Variants in CCDC88A observed in about 807,000 individuals in gnomAD.
CCDC88A encodes coiled-coil and HOOK domain protein 88A, also known as girdin.
CCDC88A carries 54 observed loss-of-function variants against 234.3 expected under a neutral mutation model. The observed-to-expected ratio is 0.23, with a 90% CI of 0.19 to 0.29. The LOEUF (loss-of-function observed/expected upper bound fraction) is 0.29. CCDC88A is among the 10% of genes least tolerant of loss of function. The pLI, the probability that CCDC88A is intolerant of heterozygous loss-of-function variation, is 1.00. For synonymous variants in CCDC88A, 753 were observed against 737.8 expected (o/e 1.02, Z -0.33); for missense variants, 1,832 against 2,123.4 (o/e 0.86, Z 2.70).
chr2:55,296,411 C>T lies in CCDC88A; in HGVS notation c.4938G>A (p.Leu1646=). 1 of 1,614,176 alleles carries T rather than the reference C, an allele frequency of 6.2e-7. No individual in the cohort carries two copies. The highest frequency in any genetic ancestry group is 1.1e-5 in the South Asian group (1 of 91,088). Residue 1646 remains leucine, a synonymous_variant, in exon 30 of 33, where the codon TTG becomes TTA. Coordinates refer to ENST00000436346, the MANE Select transcript of CCDC88A (RefSeq NM_001365480.1). ...CTGGGCTTGATCTGGTCTGTCTTTT[C>T]AAGTACTGGATTGGACTGCTACCAC... ...SSSGSSPIQY[L]KRQTRSSPVL... is the part of the protein sequence containing the mutation.
rs70954111 is a variant in CCDC88A, at chr2:55,384,590, C to CATATATACGTATGTATGTGTATATATAT, written c.273+4187_273+4188insATATATATACACATACATACGTATATAT. Reference sequence around the variant, plus strand: ...ATATACGTATATATGTGTATATATACACATATATACGTATATATGTGTATA... The same window carrying CATATATACGTATGTATGTGTATATATAT: ...ATATACGTATATATGTGTATATATACATATATACGTATGTATGTGTATATATATACATATATACGTATATATGTGTATA... On this transcript the variant is annotated intron_variant, in intron 3 of 32. Coordinates refer to ENST00000436346, the MANE Select transcript of CCDC88A (RefSeq NM_001365480.1). 1.5e-3 allele frequency among the ~76,000 whole-genome samples: 3 copies of CATATATACGTATGTATGTGTATATATAT among 1,950 alleles called. 1 individual carries two copies. Among genetic ancestry groups the CATATATACGTATGTATGTGTATATATAT allele is most frequent in the African/African-American group, 3.5e-3 (3 of 864 alleles). The allele number at this position is 1,950 out of a possible 152,430, so 1.3% of individuals were successfully genotyped here. A position where few individuals can be genotyped will look rare whatever the true frequency, so the allele number is the denominator to read the frequency against.
intron 2 of CCDC88A, among the ~76,000 whole-genome samples, chr2:55,400,301 G>A (rs958286057): frequency 6.6e-6 from 1 of 152,094 alleles, no homozygotes; most frequent in African/African-American, 2.4e-5. Flanking sequence ...CATGTCAAAC[G>A]TGAGCAAGTA....
At chr2:55,378,738 C>CTT (rs79242911) in intron 3 of CCDC88A, among the ~76,000 whole-genome samples, 103 of 142,910 alleles carry the variant, frequency 7.2e-4, no homozygotes, top group East Asian at 4.4e-3. Flanking sequence ...TACACATATA[C>CTT]TTTTTTTTTT....
chr2:55,385,838 G>A (rs1291488358), intron 3 of CCDC88A, among the ~76,000 whole-genome samples: 3 of 89,070 alleles, frequency 3.4e-5, no homozygotes, highest in African/African-American at 4.6e-5. Context: ...AGGTAACAGA[G>A]TGAAACTCCA....
intron 6 of CCDC88A, 77 bp downstream of exon 6, chr2:55,363,873 A>T: frequency 1.4e-6 from 1 of 706,482 alleles, no homozygotes; most frequent in Non-Finnish European, 2.4e-6. Context: ...TATGACTTTG[A>T]AGTATTTTAG....
chr2:55,295,647 G>A lies in CCDC88A; in HGVS notation c.5501C>T (p.Ser1834Leu). 6.2e-7 allele frequency: 1 copy of A among 1,614,208 alleles called. No individual in the cohort carries two copies. The highest frequency in any genetic ancestry group is 8.5e-7 in the Non-Finnish European group (1 of 1,180,034). Residue 1834 changes from serine to leucine, a missense_variant, in exon 31 of 33, where the codon TCA becomes TTA. This residue lies in a region of CCDC88A where 422 missense variants were observed against 416.5 expected (regional missense o/e 1.01). Coordinates refer to ENST00000436346, the MANE Select transcript of CCDC88A (RefSeq NM_001365480.1). ...FLTKDSRLPISVDSPPAAADS... is the reference protein window; with the variant it reads ...FLTKDSRLPILVDSPPAAADS... ...AGCAGCAGCTGGTGGTGAATCAACT[G>A]ATATAGGCAGTCTACTGTCCTTGGT...
intron 31 of CCDC88A, 41 bp from the exon 32 acceptor site, chr2:55,291,816 A>G: frequency 1.4e-6 from 2 of 1,476,008 alleles, no homozygotes; most frequent in Non-Finnish European, 1.9e-6. Flanking sequence ...GTCAAAGATG[A>G]AACAAAATAC....
At chr2:55,383,475 T>TA (rs997896678) in intron 3 of CCDC88A, among the ~76,000 whole-genome samples, 1 of 151,570 alleles carries the variant, frequency 6.6e-6, no homozygotes, top group African/African-American at 2.4e-5. Context: ...AAAAAAAAAT[T>TA]AGCCAGGTGT....
At position 55,318,806 on chromosome 2, in the gene CCDC88A, A is replaced by G. The variant is rs374969037; in HGVS notation, c.3324+37T>C. On this transcript the variant is annotated intron_variant, in intron 19 of 32. Coordinates refer to ENST00000436346, the MANE Select transcript of CCDC88A (RefSeq NM_001365480.1). ...CCTTATTTTAATAGCATAATTCAAG[A>G]GTTTGGTTGCATATTCCCAAAATAT... 557 of 1,482,346 alleles carry G rather than the reference A, an allele frequency of 3.8e-4. 1 individual carries two copies. The highest frequency in any genetic ancestry group is 5.3e-4 in the Middle Eastern group (3 of 5,680). The allele number at this position is 1,482,346 out of a possible 1,614,324, so 91.8% of individuals were successfully genotyped here.
chr2:55,418,533 A>C, intron 2 of CCDC88A: 2 of 385,946 alleles, frequency 5.2e-6, no homozygotes, highest in South Asian at 1.4e-4. Flanking sequence ...CAAATTATCA[A>C]AGAATACACA....
chr2:55,401,433 C>CAAAA (rs1418741634), intron 2 of CCDC88A, among the ~76,000 whole-genome samples: 35 of 30,126 alleles, frequency 1.2e-3, no homozygotes, highest in Non-Finnish European at 1.4e-3. Context: ...GACTCTGTCT[C>CAAAA]CAAAAAAAAA....
chr2:55,299,285 ATTTACT>A (rs778655913), intron 29 of CCDC88A, among the ~76,000 whole-genome samples: 3 of 152,206 alleles, frequency 2.0e-5, no homozygotes, highest in Non-Finnish European at 4.4e-5. Context: ...GTTTCCAGAC[ATTTACT>A]TAAATACCTC....
At chr2:55,393,289 G>GTTTTTTTTTTTTTTTTTT (rs558827055) in intron 2 of CCDC88A, among the ~76,000 whole-genome samples, 5 of 61,658 alleles carry the variant, frequency 8.1e-5, no homozygotes, top group Non-Finnish European at 1.3e-4. Context: ...GGTTTTTTGG[G>GTTTTTTTTTTTTTTTTTT]TTTTTTTTTT....
intron 2 of CCDC88A, among the ~76,000 whole-genome samples, chr2:55,415,840 G>A (rs1192125919): frequency 6.6e-6 from 1 of 152,112 alleles, no homozygotes; most frequent in African/African-American, 2.4e-5. Context: ...AAGTAGTACT[G>A]CCTAACAAAT....
chr2:55,311,751 A>G (rs191870952), intron 23 of CCDC88A, among the ~76,000 whole-genome samples: 6 of 152,248 alleles, frequency 3.9e-5, no homozygotes, highest in African/African-American at 1.2e-4. Flanking sequence ...TGGGCTGCAC[A>G]GGCCCAAATG....
rs1679318702 is a variant in CCDC88A at position 55,289,778 on chromosome 2, A to AGG, written c.*1421_*1422insCC. The AGG allele has an allele frequency of 3.3e-4, 1 of 3,070 alleles. No homozygotes were observed. Among genetic ancestry groups the AGG allele is most frequent in the African/African-American group, 3.7e-4 (1 of 2,704 alleles). 0.2% of individuals were successfully genotyped at this position (3,070 alleles called of 1,614,324 possible). A position where few individuals can be genotyped will look rare whatever the true frequency, so the allele number is the denominator to read the frequency against. On this transcript the variant is annotated 3_prime_UTR_variant, in exon 33 of 33. Transcript: ENST00000436346. Reference sequence around the variant, plus strand: ...GAGAGAGAAAGAGGGAGAGAGAAAGAGAGAGAGAGAGAGAGAGAGAGAGAG... The same window carrying AGG: ...GAGAGAGAAAGAGGGAGAGAGAAAGAGGGAGAGAGAGAGAGAGAGAGAGAGAG...
intron 13 of CCDC88A, among the ~76,000 whole-genome samples, chr2:55,338,436 T>C (rs1335555119): frequency 2.6e-5 from 4 of 152,218 alleles, no homozygotes; most frequent in Non-Finnish European, 5.9e-5. Context: ...TAATCATGCA[T>C]GTTTTTATGA....
At chr2:55,299,817 A>T in intron 29 of CCDC88A, 22 bp downstream of exon 29, 1 of 1,519,238 alleles carries the variant, frequency 6.6e-7, no homozygotes, top group South Asian at 1.1e-5. Context: ...AGAGCGCATT[A>T]ATAAATTTAC....
chr2:55,341,004 T>C (rs1248240470), intron 12 of CCDC88A, among the ~76,000 whole-genome samples: 1 of 152,146 alleles, frequency 6.6e-6, no homozygotes, highest in Non-Finnish European at 1.5e-5. Context: ...TATTCTCTGT[T>C]TCTATGAGTC....
Sources: gnomAD v4.1 joint callset for allele counts (sites outside exome capture counted in the v4.1 genomes callset) on GRCh38, gnomAD v4.1.1 for gene constraint, gnomAD v4.1.1 regional missense constraint, MANE v1.5 for transcripts, NCBI Gene and HGNC (gene_info 2026-07-23, HGNC 2026-07-21) for gene names.